Variants in OR5I1 observed in about 807,000 individuals in gnomAD.
The protein encoded by OR5I1 is olfactory receptor family 5 subfamily I member 1.
For missense variants in OR5I1, 425 were observed against 367.6 expected (o/e 1.16, Z -1.28); for synonymous variants, 163 against 145.5 (o/e 1.12, Z -0.87).
In OR5I1 at chr11:55,935,662, G is replaced by C; in HGVS notation, c.739C>G (p.Leu247Val). The change falls in exon 1 of 1, where the codon CTG becomes GTG. Residue 247 changes from leucine (L) to valine (V), a missense_variant. Leu to Val is a conservative substitution (Grantham distance 32). Transcript: ENST00000301532. ...KKTFSTCASH[L>V]TSVTIYQGTL... ...CCTTGGTAGATCGTCACTGAAGTCA[G>C]GTGAGAGGCGCATGTAGAAAAGGTC... 6.2e-7 allele frequency: 1 copy of C among 1,610,908 alleles called. No individual in the cohort carries two copies. The highest frequency in any genetic ancestry group is 8.5e-7 in the Non-Finnish European group (1 of 1,178,426).
Position 55,936,332 on chromosome 11 carries a change from A to G in OR5I1, c.69T>C (p.Pro23=). 1 of 1,609,442 alleles carries G rather than the reference A, an allele frequency of 6.2e-7. No homozygotes were observed. Among genetic ancestry groups the G allele is most frequent in the Non-Finnish European group, 8.5e-7 (1 of 1,177,840 alleles). ...TGAGGAACAGGACAATCTGCAGTTC[A>G]GGGCGAGTTGGAAAACCTAATAGAA... ...EFILLGFPTR[P]ELQIVLFLMF... Residue 23 remains proline (P), a synonymous_variant, in exon 1 of 1, where the codon CCT becomes CCC. Coordinates refer to ENST00000301532, the MANE Select transcript of OR5I1 (RefSeq NM_006637.1).
chr11:55,935,848 G>T lies in OR5I1; in HGVS notation c.553C>A (p.Pro185Thr), dbSNP rs200048769. ...TCAGTGCAGGATAGTTTAAGCAGGG[G>T]AGGGAGGTCACAGAAAAAATGATTA... ...VINHFFCDLP[P>T]LLKLSCTDTT... Residue 185 changes from proline to threonine, a missense_variant, in exon 1 of 1, where the codon CCC becomes ACC. Physicochemically the swap from Pro to Thr is conservative, Grantham distance 38. Coordinates refer to ENST00000301532, the MANE Select transcript of OR5I1 (RefSeq NM_006637.1). The T allele has an allele frequency of 1.9e-6, 3 of 1,611,782 alleles. No individual in the cohort carries two copies. Among genetic ancestry groups the T allele is most frequent in the African/African-American group, 2.7e-5 (2 of 74,634 alleles).
At position 55,935,911 on chromosome 11, in the gene OR5I1, A is replaced by T. The variant is rs1239588079; in HGVS notation, c.490T>A (p.Phe164Ile). The T allele has an allele frequency of 5.0e-6, 8 of 1,611,784 alleles. No individual in the cohort carries two copies. Among genetic ancestry groups the T allele is most frequent in the Non-Finnish European group, 6.8e-6 (8 of 1,178,894 alleles). ...TCACAATATTTCAGAATAAAGGCAA[A>T]GGATGTGTGAACCAGGGAACTCATG... The part of the protein sequence containing the change: ...GNMSSLVHTS[F>I]AFILKYCDKN... The change falls in exon 1 of 1, where the codon TTT (phenylalanine) becomes ATT (isoleucine). Residue 164 changes from phenylalanine to isoleucine, a missense_variant. Coordinates refer to ENST00000301532, the MANE Select transcript of OR5I1 (RefSeq NM_006637.1).
Position 55,935,489 on chromosome 11 carries a change from C to A in OR5I1, c.912G>T (p.Glu304Asp). 1 of 1,595,654 alleles carries A rather than the reference C, an allele frequency of 6.3e-7. No homozygotes were observed. Among genetic ancestry groups the A allele is most frequent in the Middle Eastern group, 1.9e-4 (1 of 5,140 alleles). The change falls in exon 1 of 1, where the codon GAG becomes GAT. Residue 304 changes from glutamate (E) to aspartate (D), a missense_variant. Glu to Asp is a conservative substitution (Grantham distance 45, BLOSUM62 2). Transcript: ENST00000301532. ...LRNKDVKDAA[E>D]KVLRSKVDSS Reference sequence around the variant, plus strand: ...AATCTACCTTTGATCTTAGAACTTTCTCAGCTGCATCCTTTACATCTTTAT... The same window carrying A: ...AATCTACCTTTGATCTTAGAACTTTATCAGCTGCATCCTTTACATCTTTAT...
In OR5I1 at chr11:55,935,519, C is replaced by A; in HGVS notation, c.882G>T (p.Leu294Phe). Residue 294 changes from leucine (L) to phenylalanine (F), a missense_variant, in exon 1 of 1, where the codon TTG (leucine) becomes TTT (phenylalanine). By Grantham distance (22) the Leu-to-Phe change is conservative (BLOSUM62 0). Coordinates refer to ENST00000301532, the MANE Select transcript of OR5I1 (RefSeq NM_006637.1). ...CTGCATCCTTTACATCTTTATTTCT[C>A]AAACTATAAATCAACGGATTCAGCA... ...IPVLNPLIYS[L>F]RNKDVKDAAE... 6.2e-7 allele frequency: 1 copy of A among 1,608,396 alleles called. No homozygotes were observed. Among genetic ancestry groups the A allele is most frequent in the South Asian group, 1.1e-5 (1 of 90,426 alleles).
Position 55,935,674 on chromosome 11 carries a change from A to G in OR5I1, c.727T>C (p.Cys243Arg). The change falls in exon 1 of 1, where the codon TGC becomes CGC. Residue 243 changes from cysteine (C) to arginine (R), a missense_variant. Cys to Arg is a radical substitution (Grantham distance 180, BLOSUM62 -3). Transcript: ENST00000301532. ...FSGRKKTFST[C>R]ASHLTSVTIY... ...GTCACTGAAGTCAGGTGAGAGGCGCATGTAGAAAAGGTCTTCTTCCTCCCA... is the reference window on the plus strand; with the variant it reads ...GTCACTGAAGTCAGGTGAGAGGCGCGTGTAGAAAAGGTCTTCTTCCTCCCA... The G allele has an allele frequency of 6.2e-7, 1 of 1,610,654 alleles. No individual in the cohort carries two copies. Among genetic ancestry groups the G allele is most frequent in the South Asian group, 1.1e-5 (1 of 90,834 alleles).
At position 55,935,732 on chromosome 11, in the gene OR5I1, A is replaced by G. The variant is rs1405004055; in HGVS notation, c.669T>C (p.Ile223=). The change falls in exon 1 of 1, where the codon ATT becomes ATC. Residue 223 remains isoleucine, a synonymous_variant. Transcript: ENST00000301532. The part of the protein sequence containing the change: ...FIIIIISYFF[I]LLSVLKIRSF... The stretch of plus-strand genomic sequence containing the variant: ...AGCGGATCTTTAAGACTGAGAGAAG[A>G]ATGAAAAAGTAGGAGATGATGATGA... 2 of 1,608,796 alleles carry G rather than the reference A, an allele frequency of 1.2e-6. No individual in the cohort carries two copies. The highest frequency in any genetic ancestry group is 2.7e-5 in the African/African-American group (2 of 74,496).
rs756552707 is a variant in OR5I1, at chr11:55,936,134, C to CGA, written c.265_266dup (p.Glu90ArgfsTer49). ...CATAATAGGAAATAGATTTGTTCTC[C>CGA]GAGAGGAAATTGACCAGCATTTTGG... On this transcript the variant is annotated frameshift_variant, in exon 1 of 1. Coordinates refer to ENST00000301532, the MANE Select transcript of OR5I1 (RefSeq NM_006637.1). LOFTEE classifies it low-confidence loss of function (END_TRUNC). The CGA allele has an allele frequency of 6.2e-7, 1 of 1,611,912 alleles. No homozygotes were observed. The highest frequency in any genetic ancestry group is 1.1e-5 in the South Asian group (1 of 91,026).
At position 55,936,235 on chromosome 11, in the gene OR5I1, GAGGATCAATCCTGATCAAC is replaced by G. The variant is rs1340018949; in HGVS notation, c.147_165del (p.Leu50ThrfsTer16). The G allele has an allele frequency of 6.2e-7, 1 of 1,612,170 alleles. No individual in the cohort carries two copies. The highest frequency in any genetic ancestry group is 1.7e-5 in the Admixed American group (1 of 59,764). On this transcript the variant is annotated frameshift_variant, in exon 1 of 1. Transcript: ENST00000301532. LOFTEE classifies it low-confidence loss of function (END_TRUNC). The stretch of plus-strand genomic sequence containing the variant: ...AAAAAATACATGGGGGTTTGAAGGT[GAGGATCAATCCTGATCAAC>G]AGCATCAATCCAATGTTCCCTATCA...
chr11:55,935,700 C>T lies in OR5I1; in HGVS notation c.701G>A (p.Ser234Asn), dbSNP rs1337107097. Residue 234 changes from serine (S) to asparagine (N), a missense_variant, in exon 1 of 1, where the codon AGT becomes AAT. Ser to Asn is a conservative substitution (Grantham distance 46, BLOSUM62 1). Coordinates refer to ENST00000301532, the MANE Select transcript of OR5I1 (RefSeq NM_006637.1). The part of the protein sequence containing the change: ...LLSVLKIRSF[S>N]GRKKTFSTCA... ...TGTAGAAAAGGTCTTCTTCCTCCCA[C>T]TGAAAGAGCGGATCTTTAAGACTGA... 1 of 1,609,480 alleles carries T rather than the reference C, an allele frequency of 6.2e-7. No homozygotes were observed. Among genetic ancestry groups the T allele is most frequent in the South Asian group, 1.1e-5 (1 of 90,730 alleles).
At position 55,936,364 on chromosome 11, in the gene OR5I1, C is replaced by T; in HGVS notation, c.37G>A (p.Glu13Lys). The change falls in exon 1 of 1, where the codon GAG becomes AAG. Residue 13 changes from glutamate (E) to lysine (K), a missense_variant. Glu to Lys is a moderately conservative substitution (Grantham distance 56). Transcript: ENST00000301532. ...GTTGGAAAACCTAATAGAATAAACT[C>T]AGTGACCAACGTGTAGTTTCTATCT... is the stretch of plus-strand genomic sequence containing the variant. Reference protein sequence around the residue: ...FTDRNYTLVTEFILLGFPTRP... With the variant: ...FTDRNYTLVTKFILLGFPTRP... 1.9e-6 allele frequency: 3 copies of T among 1,593,754 alleles called. No individual in the cohort carries two copies. The highest frequency in any genetic ancestry group is 2.6e-6 in the Non-Finnish European group (3 of 1,170,540).
chr11:55,935,834 T>C lies in OR5I1; in HGVS notation c.567A>G (p.Leu189=), dbSNP rs1267696846. 1.2e-5 allele frequency: 20 copies of C among 1,611,906 alleles called. No individual in the cohort carries two copies. Among genetic ancestry groups the C allele is most frequent in the Non-Finnish European group, 1.7e-5 (20 of 1,178,874 alleles). The change falls in exon 1 of 1, where the codon CTA becomes CTG. Residue 189 remains leucine (L), a synonymous_variant. Coordinates refer to ENST00000301532, the MANE Select transcript of OR5I1 (RefSeq NM_006637.1). The part of the protein sequence containing the change: ...FFCDLPPLLK[L]SCTDTTINEW... ...CATTAATTGTTGTGTCAGTGCAGGA[T>C]AGTTTAAGCAGGGGAGGGAGGTCAC...
In OR5I1 at chr11:55,936,235, G is replaced by A; in HGVS notation, c.166C>T (p.His56Tyr). 1 of 1,612,170 alleles carries A rather than the reference G, an allele frequency of 6.2e-7. No individual in the cohort carries two copies. Among genetic ancestry groups the A allele is most frequent in the Non-Finnish European group, 8.5e-7 (1 of 1,178,914 alleles). Residue 56 changes from histidine (H) to tyrosine (Y), a missense_variant, in exon 1 of 1, where the codon CAC becomes TAC. His to Tyr is a moderately conservative substitution (Grantham distance 83). Coordinates refer to ENST00000301532, the MANE Select transcript of OR5I1 (RefSeq NM_006637.1). ...GLMLLIRIDP[H>Y]LQTPMYFFLS... ...AAAAAATACATGGGGGTTTGAAGGT[G>A]AGGATCAATCCTGATCAACAGCATC... is the stretch of plus-strand genomic sequence containing the variant.
In OR5I1 at chr11:55,935,800, G is replaced by T; in HGVS notation, c.601C>A (p.Leu201Ile). ...CTDTTINEWLLSTYGSSVEII... is the reference protein window; with the variant it reads ...CTDTTINEWLISTYGSSVEII... ...TCCACTGAGCTGCCGTATGTGGAGA[G>T]GAGCCACTCATTAATTGTTGTGTCA... The change falls in exon 1 of 1, where the codon CTC becomes ATC. Residue 201 changes from leucine (L) to isoleucine (I), a missense_variant. Leu to Ile is a conservative substitution (Grantham distance 5). Coordinates refer to ENST00000301532, the MANE Select transcript of OR5I1 (RefSeq NM_006637.1). The T allele has an allele frequency of 6.2e-7, 1 of 1,611,736 alleles. No individual in the cohort carries two copies.
In OR5I1 at chr11:55,935,505, A is replaced by C; in HGVS notation, c.896T>G (p.Val299Gly). ...TAGAACTTTCTCAGCTGCATCCTTTACATCTTTATTTCTCAAACTATAAAT... is the reference window on the plus strand; with the variant it reads ...TAGAACTTTCTCAGCTGCATCCTTTCCATCTTTATTTCTCAAACTATAAAT... ...PLIYSLRNKD[V>G]KDAAEKVLRS... Residue 299 changes from valine to glycine, a missense_variant, in exon 1 of 1, where the codon GTA becomes GGA. Val to Gly is a moderately radical substitution (Grantham distance 109). Transcript: ENST00000301532. 6.2e-7 allele frequency: 1 copy of C among 1,606,990 alleles called. No individual in the cohort carries two copies. Among genetic ancestry groups the C allele is most frequent in the Non-Finnish European group, 8.5e-7 (1 of 1,176,698 alleles).
Position 55,935,586 on chromosome 11 carries a change from G to C in OR5I1, c.815C>G (p.Thr272Ser). The change falls in exon 1 of 1, where the codon ACT (threonine) becomes AGT (serine). Residue 272 changes from threonine to serine, a missense_variant. Transcript: ENST00000301532. ...GTAGAACACTGAGATAATTTTATCAGTGTTTGGAGAATACAGGTAGCTGGG... is the reference window on the plus strand; with the variant it reads ...GTAGAACACTGAGATAATTTTATCACTGTTTGGAGAATACAGGTAGCTGGG... Reference protein sequence around the residue: ...SRPSYLYSPNTDKIISVFYTI... With the variant: ...SRPSYLYSPNSDKIISVFYTI... The C allele has an allele frequency of 6.2e-7, 1 of 1,611,334 alleles. No homozygotes were observed. The highest frequency in any genetic ancestry group is 8.5e-7 in the Non-Finnish European group (1 of 1,178,496).
rs768090708 is a variant in OR5I1, at chr11:55,935,879, AT to A, written c.521del (p.Asn174MetfsTer55). ...GGTCACAGAAAAAATGATTAATAAC[AT>A]TTTTGTCACAATATTTCAGAATAAA... ...FAFILKYCDK[N>X]VINHFFCDLP... On this transcript the variant is annotated frameshift_variant, in exon 1 of 1. Transcript: ENST00000301532. LOFTEE classifies it low-confidence loss of function (END_TRUNC). The A allele has an allele frequency of 1.2e-5, 19 of 1,611,820 alleles. No individual in the cohort carries two copies. The highest frequency in any genetic ancestry group is 1.6e-5 in the Non-Finnish European group (19 of 1,178,908).
In OR5I1 at chr11:55,936,215, A is replaced by C. The variant is rs756730370; in HGVS notation, c.186T>G (p.Tyr62Ter). 1.9e-6 allele frequency: 3 copies of C among 1,612,278 alleles called. No homozygotes were observed. In the East Asian group the frequency reaches 6.7e-5, roughly 36 times the overall value. ...RIDPHLQTPM[Y>*]FFLSNLSFVD... is the part of the protein sequence containing the mutation. ...CAAATGATAGGTTGCTAAGGAAAAAATACATGGGGGTTTGAAGGTGAGGAT... is the reference window on the plus strand; with the variant it reads ...CAAATGATAGGTTGCTAAGGAAAAACTACATGGGGGTTTGAAGGTGAGGAT... The change falls in exon 1 of 1, where the codon TAT becomes TAG. Residue 62 changes from tyrosine (Y) to a stop codon, truncating the protein, a stop_gained. Transcript: ENST00000301532. LOFTEE classifies it low-confidence loss of function (END_TRUNC).
rs773890770 is a variant in OR5I1 at position 55,936,162 on chromosome 11, A to G, written c.239T>C (p.Val80Ala). Residue 80 changes from valine to alanine, a missense_variant, in exon 1 of 1, where the codon GTT becomes GCT. Physicochemically the swap from Val to Ala is moderately conservative, Grantham distance 64. Coordinates refer to ENST00000301532, the MANE Select transcript of OR5I1 (RefSeq NM_006637.1). ...GAGGAAATTGACCAGCATTTTGGGA[A>G]CAATGTCTGAGAAATAGCAAAGGTC... Reference protein sequence around the residue: ...FVDLCYFSDIVPKMLVNFLSE... With the variant: ...FVDLCYFSDIAPKMLVNFLSE... 6 of 1,612,076 alleles carry G rather than the reference A, an allele frequency of 3.7e-6. No homozygotes were observed. The East Asian group carries it at 6.7e-5, about 18-fold the overall frequency.
Sources: allele counts gnomAD v4.1 joint callset, GRCh38; gene constraint gnomAD v4.1.1; transcripts MANE v1.5; gene names NCBI Gene and HGNC (gene_info 2026-07-23, HGNC 2026-07-21).